KIF5C: variants seen among roughly 807,000 people sequenced by gnomAD.
The protein encoded by KIF5C is kinesin heavy chain isoform 5C.
In KIF5C, 18 loss-of-function variants were observed where a neutral mutation model predicts 125.2. The observed-to-expected ratio is 0.14, with a 90% CI of 0.10 to 0.21. The LOEUF (loss-of-function observed/expected upper bound fraction) is 0.21, where lower values mean the gene tolerates loss of function less well. Among genes scored for constraint, KIF5C ranks in the 10% least tolerant of loss-of-function variants. The pLI, the probability that KIF5C is intolerant of heterozygous loss-of-function variation, is 1.00. For synonymous variants in KIF5C, 405 were observed against 434.0 expected (o/e 0.93, Z 0.83); for missense variants, 780 against 1,183.8 (o/e 0.66, Z 5.01).
intron 1 of KIF5C, among the ~76,000 whole-genome samples, chr2:148,883,295 A>C (rs1386087387): frequency 6.6e-6 from 1 of 152,046 alleles, no homozygotes; most frequent in Non-Finnish European, 1.5e-5. Context: ...AGGTCAGGAG[A>C]TCGAGACCAT....
chr2:148,905,024 G>A lies in KIF5C; in HGVS notation c.127-17113G>A, dbSNP rs140783737. On this transcript the variant is annotated intron_variant, in intron 1 of 25. Coordinates refer to ENST00000435030, the MANE Select transcript of KIF5C (RefSeq NM_004522.3). ...AAGGAAAGAACAGGTCCTAGGCTTG[G>A]AGTCCTTGACATGCAATGTTTCTAG... Among the ~76,000 whole-genome samples, 490 of 152,218 alleles carry A rather than the reference G, an allele frequency of 3.2e-3. 5 individuals carry two copies. The highest frequency in any genetic ancestry group is 0.011 in the African/African-American group (467 of 41,530).
intron 2 of KIF5C, among the ~76,000 whole-genome samples, chr2:148,923,882 A>G (rs959729404): frequency 2.0e-5 from 3 of 152,224 alleles, no homozygotes; most frequent in Non-Finnish European, 2.9e-5. Context: ...ATTTCTCTAC[A>G]GTATGAAATG....
chr2:148,991,399 C>T (rs769847844), intron 16 of KIF5C, among the ~76,000 whole-genome samples: 2 of 152,080 alleles, frequency 1.3e-5, no homozygotes, highest in African/African-American at 4.8e-5. Context: ...CTGTTGAGTC[C>T]GTTCCCTTTT....
intron 1 of KIF5C, among the ~76,000 whole-genome samples, chr2:148,901,600 G>T (rs1256359629): frequency 2.0e-5 from 3 of 152,194 alleles, no homozygotes; most frequent in Non-Finnish European, 4.4e-5. Context: ...TGAGATATAA[G>T]ATGCTTTCAA....
At chr2:148,957,723 G>A (rs58936876) in intron 10 of KIF5C, among the ~76,000 whole-genome samples, 21,032 of 151,082 alleles carry the variant, frequency 0.14, 2,216 homozygotes, top group African/African-American at 0.29. Context: ...CCATCAGTTT[G>A]TTTTTCTTAA....
At chr2:148,905,829 G>A (rs1484648145) in intron 1 of KIF5C, among the ~76,000 whole-genome samples, 1 of 152,104 alleles carries the variant, frequency 6.6e-6, no homozygotes, top group South Asian at 2.1e-4. Context: ...TGGCTGGGGA[G>A]GCCTCGCAAT....
chr2:148,963,158 C>CTT (rs149454475), intron 11 of KIF5C, among the ~76,000 whole-genome samples: 42 of 143,258 alleles, frequency 2.9e-4, no homozygotes, highest in South Asian at 6.8e-4. Context: ...AGGTAGAAGG[C>CTT]TTTTTTTTTT....
intron 11 of KIF5C, among the ~76,000 whole-genome samples, chr2:148,967,338 C>A (rs970379495): frequency 6.6e-6 from 1 of 152,200 alleles, no homozygotes; most frequent in African/African-American, 2.4e-5. Context: ...CAGGCTCCGA[C>A]AAGTGTAGGC....
chr2:149,004,439 A>G (rs1459841717), intron 21 of KIF5C, among the ~76,000 whole-genome samples: 1 of 152,190 alleles, frequency 6.6e-6, no homozygotes, highest in African/African-American at 2.4e-5. Flanking sequence ...AAATACATGG[A>G]GACTTGAGCA....
Position 148,875,503 on chromosome 2 carries a change from G to C in KIF5C, c.-115G>C, listed in dbSNP as rs999476384. Reference sequence around the variant, plus strand: ...CGATGACCTGCTGAGAAGCGTCGTCGGAGGCTGCAGGAGGCGGCCTAGCTG... The same window carrying C: ...CGATGACCTGCTGAGAAGCGTCGTCCGAGGCTGCAGGAGGCGGCCTAGCTG... On this transcript the variant is annotated 5_prime_UTR_variant, in exon 1 of 26. Transcript: ENST00000435030. 1.7e-5 allele frequency: 14 copies of C among 838,912 alleles called. No homozygotes were observed. Among genetic ancestry groups the C allele is most frequent in the Non-Finnish European group, 2.7e-5 (14 of 525,140 alleles). The allele number at this position is 838,912 out of a possible 1,614,324, so 52.0% of individuals were successfully genotyped here.
intron 1 of KIF5C, among the ~76,000 whole-genome samples, chr2:148,893,762 G>A (rs1181676545): frequency 6.6e-6 from 1 of 152,192 alleles, no homozygotes; most frequent in Non-Finnish European, 1.5e-5. Context: ...ATGAATGAAT[G>A]AATATTTCTT....
At chr2:148,877,089 A>T (rs953313864) in intron 1 of KIF5C, 1 of 152,274 alleles carries the variant, frequency 6.6e-6, no homozygotes, top group East Asian at 1.9e-4. Context: ...GGTCCCCAGC[A>T]TCTTTGCCAA....
chr2:148,936,977 A>C lies in KIF5C; in HGVS notation c.292-307A>C, dbSNP rs201485638. On this transcript the variant is annotated intron_variant, in intron 3 of 25. Transcript: ENST00000435030. ...CTGCTCCCTTTTCCTCCTCCTCCTC[A>C]CCCCACACTAGCCACATAGACTCTG... is the stretch of plus-strand genomic sequence containing the variant. Among the ~76,000 whole-genome samples, 422 of 151,588 alleles carry C rather than the reference A, an allele frequency of 2.8e-3. 1 individual carries two copies. The highest frequency in any genetic ancestry group is 5.0e-3 in the South Asian group (24 of 4,762).
chr2:148,928,779 A>G (rs935010618), intron 2 of KIF5C, among the ~76,000 whole-genome samples: 2 of 151,666 alleles, frequency 1.3e-5, no homozygotes, highest in African/African-American at 4.8e-5. Flanking sequence ...TTCCTCCCCC[A>G]CCTCTGGACT....
At chr2:148,911,370 T>A (rs1379199853) in intron 1 of KIF5C, among the ~76,000 whole-genome samples, 1 of 152,190 alleles carries the variant, frequency 6.6e-6, no homozygotes, top group African/African-American at 2.4e-5. Context: ...GGGGGGCTGC[T>A]GAGCAGAGTT....
intron 25 of KIF5C, among the ~76,000 whole-genome samples, chr2:149,017,569 G>A (rs1366293642): frequency 1.3e-5 from 2 of 152,212 alleles, no homozygotes; most frequent in Admixed American, 1.3e-4. Context: ...TTGTTCAAAT[G>A]TCTCCACCAG....
chr2:149,012,734 C>T (rs560119419), intron 25 of KIF5C, among the ~76,000 whole-genome samples: 5 of 152,314 alleles, frequency 3.3e-5, no homozygotes, highest in East Asian at 3.9e-4. Context: ...GGAGGGAAGG[C>T]GGAGGCAGCC....
intron 25 of KIF5C, among the ~76,000 whole-genome samples, chr2:149,018,716 G>C (rs1034807719): frequency 1.3e-5 from 2 of 152,110 alleles, no homozygotes; most frequent in Non-Finnish European, 2.9e-5. Context: ...GCTTACGCCT[G>C]TAGTCCCAAC....
chr2:148,940,582 A>T (rs146288630), intron 4 of KIF5C, among the ~76,000 whole-genome samples: 13 of 152,296 alleles, frequency 8.5e-5, no homozygotes, highest in African/African-American at 2.6e-4. Flanking sequence ...GGATGTAGGG[A>T]TGAGGTTTTA....
Sources: allele counts gnomAD v4.1 joint callset (sites outside exome capture counted in the v4.1 genomes callset), GRCh38; gene constraint gnomAD v4.1.1; transcripts MANE v1.5; gene names NCBI Gene and HGNC (gene_info 2026-07-23, HGNC 2026-07-21).